CRPPA: variants seen among roughly 807,000 people sequenced by gnomAD.
CRPPA encodes CDP-L-ribitol pyrophosphorylase A, also known as D-ribitol-5-phosphate cytidylyltransferase.
A neutral mutation model predicts 52.0 loss-of-function variants in CRPPA; 43 were observed. The observed-to-expected ratio is 0.83, with a 90% CI of 0.65 to 1.07. The LOEUF (loss-of-function observed/expected upper bound fraction) is 1.07. Ranked by LOEUF, CRPPA falls within the 50% of genes least tolerant of loss-of-function variation. The pLI, the probability that CRPPA is intolerant of heterozygous loss-of-function variation, is 0.00. For synonymous variants in CRPPA, 250 were observed against 203.5 expected (o/e 1.23, Z -1.94); for missense variants, 629 against 551.7 (o/e 1.14, Z -1.40).
At chr7:16,286,078 TATAATA>T (rs1562608614) in intron 5 of CRPPA, among the ~76,000 whole-genome samples, 1 of 19,356 alleles carries the variant, frequency 5.2e-5, no homozygotes, top group Non-Finnish European at 8.3e-5. Flanking sequence ...TATATATATA[TATAATA>T]TTTAAAAAAA....
chr7:16,162,376 G>A (rs971059490), intron 9 of CRPPA, among the ~76,000 whole-genome samples: 10 of 152,124 alleles, frequency 6.6e-5, no homozygotes, highest in Admixed American at 6.5e-5. Context: ...AGTATGTTGT[G>A]TCTTTGCTCT....
At chr7:16,194,431 T>C (rs1781684621) in intron 9 of CRPPA, among the ~76,000 whole-genome samples, 1 of 152,124 alleles carries the variant, frequency 6.6e-6, no homozygotes, top group Non-Finnish European at 1.5e-5. Context: ...CCATATGCCT[T>C]TGTCTCTTAA....
intron 9 of CRPPA, among the ~76,000 whole-genome samples, chr7:16,203,038 G>C (rs1425024762): frequency 6.6e-6 from 1 of 152,134 alleles, no homozygotes; most frequent in Admixed American, 6.5e-5. Context: ...TTCACAAGTG[G>C]TTAAAAATAA....
intron 6 of CRPPA, among the ~76,000 whole-genome samples, chr7:16,263,772 T>G (rs940272681): frequency 6.6e-6 from 1 of 150,886 alleles, no homozygotes; most frequent in Non-Finnish European, 1.5e-5. Flanking sequence ...AAAAAAAGAA[T>G]GTACAATATA....
At chr7:16,167,390 G>C (rs1781090512) in intron 9 of CRPPA, among the ~76,000 whole-genome samples, 3 of 152,146 alleles carry the variant, frequency 2.0e-5, no homozygotes, top group Admixed American at 2.0e-4. Context: ...TACTTTCTTT[G>C]GATATTTTCT....
At chr7:16,191,381 A>G (rs1414642537) in intron 9 of CRPPA, among the ~76,000 whole-genome samples, 1 of 152,170 alleles carries the variant, frequency 6.6e-6, no homozygotes, top group Non-Finnish European at 1.5e-5. Context: ...TTCATCAGTT[A>G]TAACACCCAT....
At position 16,342,860 on chromosome 7, in the gene CRPPA, TATATAGAG is replaced by T. The variant is rs1465418162; in HGVS notation, c.684+33224_684+33231del. Among the ~76,000 whole-genome samples, 4 of 147,640 alleles carry T rather than the reference TATATAGAG, an allele frequency of 2.7e-5. No homozygotes were observed. In the South Asian group the frequency reaches 6.3e-4, roughly 23 times the overall value. On this transcript the variant is annotated intron_variant, in intron 3 of 9. Coordinates refer to ENST00000407010, the MANE Select transcript of CRPPA (RefSeq NM_001101426.4). ...AGATATATAGATATACATATATAGATATATAGAGATATATATACAGAAATACAAAATTA... is the reference window on the plus strand; with the variant it reads ...AGATATATAGATATACATATATAGATATATATATACAGAAATACAAAATTA...
intron 2 of CRPPA, among the ~76,000 whole-genome samples, chr7:16,386,402 G>A (rs543656293): frequency 6.6e-6 from 1 of 152,138 alleles, no homozygotes; most frequent in East Asian, 1.9e-4. Flanking sequence ...GCAACATTTG[G>A]GTGTGAAAAC....
chr7:16,324,558 C>A (rs954529153), intron 3 of CRPPA, among the ~76,000 whole-genome samples: 1 of 152,218 alleles, frequency 6.6e-6, no homozygotes, highest in Non-Finnish European at 1.5e-5. Context: ...ACCTCAGCAA[C>A]AACACACTGT....
intron 2 of CRPPA, among the ~76,000 whole-genome samples, chr7:16,400,180 C>T (rs1187026243): frequency 6.6e-6 from 1 of 152,080 alleles, no homozygotes; most frequent in Admixed American, 6.5e-5. Context: ...ACGTTTGTGA[C>T]GTGACTGACA....
chr7:16,248,710 G>C (rs1422776420), intron 8 of CRPPA, among the ~76,000 whole-genome samples: 2 of 152,198 alleles, frequency 1.3e-5, no homozygotes, highest in Non-Finnish European at 2.9e-5. Flanking sequence ...ATTGGGACTG[G>C]TTGGACAGTG....
At position 16,191,286 on chromosome 7, in the gene CRPPA, G is replaced by A. The variant is rs115969191; in HGVS notation, c.1251+24780C>T. On this transcript the variant is annotated intron_variant, in intron 9 of 9. Coordinates refer to ENST00000407010, the MANE Select transcript of CRPPA (RefSeq NM_001101426.4). ...CCCCCTTTCAACTTCTGAAATGCTC[G>A]CAGACCATACCACTAAGCTGAACTT... Among the ~76,000 whole-genome samples, 790 of 152,138 alleles carry A rather than the reference G, an allele frequency of 5.2e-3. 6 individuals carry two copies. Among genetic ancestry groups the A allele is most frequent in the East Asian group, 0.031 (159 of 5,166 alleles).
In CRPPA at chr7:16,258,873, CAT is replaced by C. The variant is rs139478143; in HGVS notation, c.1026+45_1026+46del. On this transcript the variant is annotated intron_variant, in intron 7 of 9. Coordinates refer to ENST00000407010, the MANE Select transcript of CRPPA (RefSeq NM_001101426.4). ...TAAGAATCAAATTAGTTCTCTTCCA[CAT>C]TTGTTCATATCCTTAAGTGCCTTCA... is the stretch of plus-strand genomic sequence containing the variant. 147,529 of 1,194,472 alleles carry C rather than the reference CAT, an allele frequency of 0.12. 10,114 individuals carry two copies. Among genetic ancestry groups the C allele is most frequent in the South Asian group, 0.17 (12,172 of 72,216 alleles). 74.0% of individuals were successfully genotyped at this position (1,194,472 alleles called of 1,614,324 possible).
intron 9 of CRPPA, among the ~76,000 whole-genome samples, chr7:16,106,964 A>T (rs895804366): frequency 6.6e-6 from 1 of 152,156 alleles, no homozygotes; most frequent in Non-Finnish European, 1.5e-5. Flanking sequence ...TCCTAGAAAT[A>T]AAAAATACAG....
At chr7:16,369,450 C>T (rs1786691486) in intron 3 of CRPPA, among the ~76,000 whole-genome samples, 1 of 152,194 alleles carries the variant, frequency 6.6e-6, no homozygotes, top group Admixed American at 6.5e-5. Context: ...TGGTTTCGGG[C>T]CTGGCACCAG....
chr7:16,252,983 ATTC>A (rs996394844), intron 8 of CRPPA, among the ~76,000 whole-genome samples: 2 of 151,382 alleles, frequency 1.3e-5, no homozygotes, highest in Admixed American at 1.3e-4. Context: ...CTTCTATTTG[ATTC>A]TTCTCTCTTT....
chr7:16,274,112 C>T (rs1004293700), intron 6 of CRPPA, among the ~76,000 whole-genome samples: 8 of 152,128 alleles, frequency 5.3e-5, no homozygotes, highest in Non-Finnish European at 7.4e-5. Flanking sequence ...TGCAGCGGCG[C>T]GATCTCGGCT....
chr7:16,252,883 T>C (rs1262710494), intron 8 of CRPPA, among the ~76,000 whole-genome samples: 1 of 152,244 alleles, frequency 6.6e-6, no homozygotes, highest in Non-Finnish European at 1.5e-5. Context: ...TTTTGTAGTT[T>C]ATTTGAGTAG....
intron 1 of CRPPA, among the ~76,000 whole-genome samples, chr7:16,412,576 T>TA (rs1278691556): frequency 6.6e-6 from 1 of 152,248 alleles, no homozygotes; most frequent in Non-Finnish European, 1.5e-5. Context: ...TCTAAGGATT[T>TA]ATTCACATTC....
Sources: allele counts gnomAD v4.1 joint callset (sites outside exome capture counted in the v4.1 genomes callset), GRCh38; gene constraint gnomAD v4.1.1; transcripts MANE v1.5; gene names NCBI Gene and HGNC (gene_info 2026-07-23, HGNC 2026-07-21).